KIF23: variants seen among roughly 807,000 people sequenced by gnomAD.
KIF23 encodes kinesin family member 23.
In KIF23, 30 loss-of-function variants were observed where a neutral mutation model predicts 137.5. The observed-to-expected ratio is 0.22, with a 90% confidence interval of 0.16 to 0.30. KIF23 has a LOEUF of 0.30. Among genes scored for constraint, KIF23 ranks in the 10% least tolerant of loss-of-function variants. The pLI, the probability that KIF23 is intolerant of heterozygous loss-of-function variation, is 1.00. For synonymous variants in KIF23, 367 were observed against 391.1 expected (o/e 0.94, Z 0.73); for missense variants, 920 against 1,194.3 (o/e 0.77, Z 3.38).
At position 69,446,371 on chromosome 15, in the gene KIF23, G is replaced by A; in HGVS notation, c.2838+7G>A. 4 of 1,610,412 alleles carry A rather than the reference G, an allele frequency of 2.5e-6. No homozygotes were observed. Among genetic ancestry groups the A allele is most frequent in the Non-Finnish European group, 3.4e-6 (4 of 1,176,830 alleles). ...GACCGATGTAGAAACAAGGGTAGGG[G>A]AAAAATTAAATATTTGTCTGCCTAC... On this transcript the variant is annotated splice_region_variant and intron_variant, in intron 22 of 23. Coordinates refer to ENST00000679126, the MANE Select transcript of KIF23 (RefSeq NM_001367805.3).
chr15:69,414,521 C>T, intron 1 of KIF23, 45 bp downstream of exon 1: 1 of 1,505,718 alleles, frequency 6.6e-7, no homozygotes, highest in South Asian at 1.2e-5. Flanking sequence ...GGACGGGGGC[C>T]GAGGCCTCGG....
chr15:69,438,371 G>T lies in KIF23; in HGVS notation c.1721G>T (p.Arg574Leu). The T allele has an allele frequency of 1.9e-6, 3 of 1,608,626 alleles. No homozygotes were observed. The South Asian group carries it at 3.3e-5, about 18-fold the overall frequency. Residue 574 changes from arginine to leucine, a missense_variant, in exon 16 of 24, where the codon CGA becomes CTA. By Grantham distance (102) the Arg-to-Leu change is moderately radical. Around this residue, in one of 4 missense-constraint regions of KIF23, gnomAD observed 714 missense variants for 866.2 expected, o/e 0.82. Coordinates refer to ENST00000679126, the MANE Select transcript of KIF23 (RefSeq NM_001367805.3). ...TCAGGACAGAAATTGGAAATAGAAC[G>T]ACTGGAAAAGAAAAACAAAACTTTA... ...MISGQKLEIE[R>L]LEKKNKTLEY...
At chr15:69,434,810 A>C in intron 11 of KIF23, 1 of 991,738 alleles carries the variant, frequency 1.0e-6, no homozygotes, top group Non-Finnish European at 1.6e-6. Context: ...TCTTGCACTC[A>C]TCCTGCACGT....
chr15:69,421,455 G>C (rs140202970), intron 3 of KIF23, among the ~76,000 whole-genome samples, 192 bp from the exon 4 acceptor site: 48 of 152,184 alleles, frequency 3.2e-4, no homozygotes, highest in African/African-American at 1.1e-3. Context: ...GTTTATAATT[G>C]GTATGATATA....
chr15:69,443,462 C>T (rs1163979777), intron 19 of KIF23: 1 of 148,516 alleles, frequency 6.7e-6, no homozygotes, highest in Non-Finnish European at 1.5e-5. Context: ...CCTCAGCCTC[C>T]TGAGTAGCTG....
intron 8 of KIF23, 66 bp from the exon 9 acceptor site, chr15:69,426,004 T>G (rs1009368601): frequency 1.3e-6 from 1 of 795,916 alleles, no homozygotes; most frequent in Non-Finnish European, 1.8e-6. Context: ...GTTTTAGTCC[T>G]AGTCTTAAAT....
At position 69,439,381 on chromosome 15, in the gene KIF23, G is replaced by A. The variant is rs141080670; in HGVS notation, c.1756-523G>A. ...AAAGTGCCAGCATCGGGCCTTGGAC[G>A]TAACAGATACTCAGTAAAGCTTAAT... On this transcript the variant is annotated intron_variant, in intron 16 of 23. Coordinates refer to ENST00000679126, the MANE Select transcript of KIF23 (RefSeq NM_001367805.3). Among the ~76,000 whole-genome samples, 79 of 152,006 alleles carry A rather than the reference G, an allele frequency of 5.2e-4. 1 individual carries two copies. The highest frequency in any genetic ancestry group is 3.4e-3 in the Middle Eastern group (1 of 294).
chr15:69,425,488 A>G (rs1265475409), intron 8 of KIF23, among the ~76,000 whole-genome samples, 165 bp downstream of exon 8: 1 of 152,220 alleles, frequency 6.6e-6, no homozygotes, highest in Non-Finnish European at 1.5e-5. Context: ...ACTATCAGTG[A>G]TGGTGGCTGG....
At chr15:69,422,299 A>AT (rs200419497) in intron 5 of KIF23, 27 bp from the exon 6 acceptor site, 73,804 of 1,125,172 alleles carry the variant, frequency 0.066, 138 homozygotes, top group East Asian at 0.15. Context: ...ACGTGGTGTG[A>AT]TTTTTTTTTT....
Position 69,421,680 on chromosome 15 carries a change from C to T in KIF23, c.244C>T (p.His82Tyr). 6.2e-7 allele frequency: 1 copy of T among 1,613,562 alleles called. No individual in the cohort carries two copies. Among genetic ancestry groups the T allele is most frequent in the South Asian group, 1.1e-5 (1 of 91,040 alleles). ...TTCATTTAAACAAGTATTTGGCACTCACACCACCCAGAAGGAACTCTTTGA... is the reference window on the plus strand; with the variant it reads ...TTCATTTAAACAAGTATTTGGCACTTACACCACCCAGAAGGAACTCTTTGA... ...QYSFKQVFGT[H>Y]TTQKELFDVV... The change falls in exon 4 of 24, where the codon CAC (histidine) becomes TAC (tyrosine). Residue 82 changes from histidine to tyrosine, a missense_variant. Coordinates refer to ENST00000679126, the MANE Select transcript of KIF23 (RefSeq NM_001367805.3).
At chr15:69,441,896 A>G (rs1596022299) in intron 19 of KIF23, among the ~76,000 whole-genome samples, 1 of 151,982 alleles carries the variant, frequency 6.6e-6, no homozygotes, top group East Asian at 1.9e-4. Context: ...CAGCCTCCCA[A>G]GTAGCTGAGA....
intron 2 of KIF23, among the ~76,000 whole-genome samples, 178 bp from the exon 3 acceptor site, chr15:69,417,205 C>T (rs2056937542): frequency 6.6e-6 from 1 of 152,090 alleles, no homozygotes; most frequent in African/African-American, 2.4e-5. Flanking sequence ...ATATCTAATA[C>T]ATACTTGTAT....
chr15:69,421,704 G>C lies in KIF23; in HGVS notation c.268G>C (p.Asp90His). 8 of 1,613,794 alleles carry C rather than the reference G, an allele frequency of 5.0e-6. No homozygotes were observed. The highest frequency in any genetic ancestry group is 6.8e-6 in the Non-Finnish European group (8 of 1,179,800). The change falls in exon 4 of 24, where the codon GAT (aspartate) becomes CAT (histidine). Residue 90 changes from aspartate to histidine, a missense_variant. Around this residue, in one of 4 missense-constraint regions of KIF23, gnomAD observed 124 missense variants for 122.0 expected, o/e 1.02. Transcript: ENST00000679126. ...TCACACCACCCAGAAGGAACTCTTT[G>C]ATGTTGTGGCTAATCCCTTGGTCAA... ...GTHTTQKELF[D>H]VVANPLVNDL... is the part of the protein sequence containing the mutation.
intron 3 of KIF23, among the ~76,000 whole-genome samples, chr15:69,418,567 G>A (rs926886612): frequency 1.3e-5 from 2 of 152,048 alleles, no homozygotes; most frequent in African/African-American, 4.8e-5. Flanking sequence ...GCTCCTATCA[G>A]TTATATTCCA....
In KIF23 at chr15:69,423,160, C is replaced by T. The variant is rs1191107083; in HGVS notation, c.565C>T (p.Arg189Ter). 2.6e-6 allele frequency: 4 copies of T among 1,560,350 alleles called. No individual in the cohort carries two copies. Among genetic ancestry groups the T allele is most frequent in the Non-Finnish European group, 2.6e-6 (3 of 1,149,722 alleles). The change falls in exon 7 of 24, where the codon CGA (arginine) becomes TGA (stop). Residue 189 changes from arginine to a stop codon, truncating the protein, a stop_gained and splice_region_variant. Coordinates refer to ENST00000679126, the MANE Select transcript of KIF23 (RefSeq NM_001367805.3). LOFTEE classifies it high-confidence loss of function. ...ACAATTGAACTTTTCTTTTTTTAGA[C>T]GACAAGTAGATCCAGAGTTTGCAGA... ...MPNPKTSSSK[R>*]QVDPEFADMI...
intron 17 of KIF23, 115 bp from the exon 18 acceptor site, chr15:69,440,193 A>G: frequency 1.3e-6 from 2 of 1,492,724 alleles, no homozygotes; most frequent in Non-Finnish European, 1.8e-6. Flanking sequence ...GTGGTTGTTA[A>G]CTCTCAGGAA....
At chr15:69,441,116 A>C (rs766319940) in intron 19 of KIF23, 37 bp downstream of exon 19, 1 of 1,517,816 alleles carries the variant, frequency 6.6e-7, no homozygotes, top group Admixed American at 2.1e-5. Flanking sequence ...TTGTAGCAAT[A>C]GATTTTATCT....
rs1320244614 is a variant in KIF23, at chr15:69,436,545, T to C, written c.1439-19T>C. 6.3e-7 allele frequency: 1 copy of C among 1,579,226 alleles called. No homozygotes were observed. The highest frequency in any genetic ancestry group is 8.6e-7 in the Non-Finnish European group (1 of 1,161,264). On this transcript the variant is annotated intron_variant, in intron 14 of 23. Transcript: ENST00000679126. The stretch of plus-strand genomic sequence containing the variant: ...TCTCTCCTATGTAACTTTTTGTAAT[T>C]TTCTATAATTCAATACAGAACCATT...
rs2057712988 is a variant in KIF23 at position 69,445,140 on chromosome 15, A to G, written c.2673+99A>G. 4.5e-6 allele frequency: 5 copies of G among 1,113,734 alleles called. 1 individual carries two copies. The East Asian group carries it at 1.3e-4, about 29-fold the overall frequency. The allele number at this position is 1,113,734 out of a possible 1,614,324, so 69.0% of individuals were successfully genotyped here. A position where few individuals can be genotyped will look rare whatever the true frequency, so the allele number is the denominator to read the frequency against. On this transcript the variant is annotated intron_variant, in intron 20 of 23. Coordinates refer to ENST00000679126, the MANE Select transcript of KIF23 (RefSeq NM_001367805.3). Reference sequence around the variant, plus strand: ...CTTTGGTGACACACAGGTAGTGTCAACTGGAACATCAGTAGGTATTTGATA... The same window carrying G: ...CTTTGGTGACACACAGGTAGTGTCAGCTGGAACATCAGTAGGTATTTGATA...
Sources: gnomAD v4.1 joint callset for allele counts (sites outside exome capture counted in the v4.1 genomes callset) on GRCh38, gnomAD v4.1.1 for gene constraint, gnomAD v4.1.1 regional missense constraint, MANE v1.5 for transcripts, NCBI Gene and HGNC (gene_info 2026-07-23, HGNC 2026-07-21) for gene names.